Variants in PDE10A observed in about 807,000 individuals in gnomAD.
PDE10A encodes phosphodiesterase 10A.
PDE10A carries 39 observed loss-of-function variants against 97.7 expected under a neutral mutation model. The observed-to-expected ratio is 0.40, with a 90% CI of 0.31 to 0.52. The LOEUF (loss-of-function observed/expected upper bound fraction) is 0.52. PDE10A is among the 20% of genes least tolerant of loss of function. PDE10A has a pLI of 0.56. For synonymous variants in PDE10A, 371 were observed against 376.8 expected, an observed-to-expected ratio of 0.98 and a Z score of 0.18; for missense variants, 731 against 1,047.8, an observed-to-expected ratio of 0.70 and a Z score of 4.17.
intron 1 of PDE10A, among the ~76,000 whole-genome samples, chr6:165,812,554 T>C (rs1212098965): frequency 1.3e-5 from 2 of 152,242 alleles, no homozygotes; most frequent in African/African-American, 4.8e-5. Flanking sequence ...TCAATGGAGC[T>C]ATTTTAAGAA....
At chr6:165,360,031 T>C (rs1278883048) in intron 18 of PDE10A, among the ~76,000 whole-genome samples, 1 of 152,222 alleles carries the variant, frequency 6.6e-6, no homozygotes, top group African/African-American at 2.4e-5. Context: ...TGTGGAAGTT[T>C]GAGTTTACGC....
At chr6:165,495,592 A>T (rs1207455463) in intron 2 of PDE10A, among the ~76,000 whole-genome samples, 1 of 152,224 alleles carries the variant, frequency 6.6e-6, no homozygotes, top group East Asian at 1.9e-4. Flanking sequence ...TTACTTTTAC[A>T]TCATTAAATT....
At position 165,747,143 on chromosome 6, in the gene PDE10A, G is replaced by C. The variant is rs1792861507; in HGVS notation, c.-614-203575C>G. 2.6e-5 allele frequency among the ~76,000 whole-genome samples: 4 copies of C among 152,250 alleles called. No individual in the cohort carries two copies. In the South Asian group the frequency reaches 6.2e-4, roughly 24 times the overall value. ...AAAGAAAAGTCCAAAACTACAACCA[G>C]AGAAAGTGGTTGACACTTTTACATA... On this transcript the variant is annotated intron_variant, in intron 1 of 19. Transcript: ENST00000366882.
intron 1 of PDE10A, among the ~76,000 whole-genome samples, chr6:165,932,504 T>C (rs1000532006): frequency 1.3e-5 from 2 of 152,086 alleles, no homozygotes; most frequent in Admixed American, 6.5e-5. Context: ...CCTAGCTAAT[T>C]TTTGTATTTT....
intron 13 of PDE10A, among the ~76,000 whole-genome samples, chr6:165,406,254 G>A (rs1004635132): frequency 2.0e-5 from 3 of 151,870 alleles, no homozygotes; most frequent in African/African-American, 7.2e-5. Flanking sequence ...GTGTGTGTGT[G>A]TGTGTGTTTC....
chr6:165,600,457 T>C (rs1206294828), intron 1 of PDE10A, among the ~76,000 whole-genome samples: 1 of 152,190 alleles, frequency 6.6e-6, no homozygotes, highest in Non-Finnish European at 1.5e-5. Context: ...AGAAACCAAA[T>C]TGTGTGTGTG....
At chr6:165,652,253 G>T (rs1163385999) in intron 1 of PDE10A, among the ~76,000 whole-genome samples, 3 of 151,898 alleles carry the variant, frequency 2.0e-5, no homozygotes, top group African/African-American at 4.8e-5. Context: ...GCTCTTTTTT[G>T]TTGTTGTTCA....
chr6:165,521,782 C>A (rs920072303), intron 2 of PDE10A, among the ~76,000 whole-genome samples: 2 of 152,138 alleles, frequency 1.3e-5, no homozygotes, highest in African/African-American at 2.4e-5. Context: ...AACATAAAAG[C>A]TCAATGTGAA....
rs77296104 is a variant in PDE10A, at chr6:165,442,916, C to T, written c.1194+6012G>A. Reference sequence around the variant, plus strand: ...CTGAGGTCAGGGGTTTGAGACCAGCCTGGCCAACATGCCAATACCCCATCT... The same window carrying T: ...CTGAGGTCAGGGGTTTGAGACCAGCTTGGCCAACATGCCAATACCCCATCT... On this transcript the variant is annotated intron_variant, in intron 5 of 21. Coordinates refer to ENST00000539869, the MANE Select transcript of PDE10A (RefSeq NM_001385079.1). Among the ~76,000 whole-genome samples, 99 of 152,120 alleles carry T rather than the reference C, an allele frequency of 6.5e-4. No individual in the cohort carries two copies. The East Asian group carries it at 0.017, about 26-fold the overall frequency.
chr6:165,488,824 C>T (rs897615741), intron 2 of PDE10A, among the ~76,000 whole-genome samples: 1 of 152,108 alleles, frequency 6.6e-6, no homozygotes, highest in African/African-American at 2.4e-5. Flanking sequence ...CCCCACTTTT[C>T]TGGTGACCTA....
intron 18 of PDE10A, 23 bp downstream of exon 18, chr6:165,379,171 A>C (rs758410965): frequency 3.9e-6 from 6 of 1,536,744 alleles, no homozygotes; most frequent in Admixed American, 1.8e-5. Context: ...CTGGGCTTCT[A>C]AGCTTTTAAA....
intron 1 of PDE10A, among the ~76,000 whole-genome samples, chr6:165,690,252 C>T (rs1791235902): frequency 6.6e-6 from 1 of 152,316 alleles, no homozygotes; most frequent in Admixed American, 6.5e-5. Context: ...TATTAATTTC[C>T]CCATAAGTTT....
chr6:165,802,594 T>C (rs1430748688), intron 1 of PDE10A, among the ~76,000 whole-genome samples: 1 of 152,168 alleles, frequency 6.6e-6, no homozygotes, highest in Non-Finnish European at 1.5e-5. Context: ...ACGGGGGCCC[T>C]CCTGAAGAAA....
At chr6:165,722,903 T>C (rs9459494) in intron 1 of PDE10A, among the ~76,000 whole-genome samples, 18 of 133,466 alleles carry the variant, frequency 1.3e-4, no homozygotes, top group African/African-American at 2.0e-4. Context: ...CACACACACA[T>C]ATACATATGT....
At chr6:165,360,423 TC>T (rs750954472) in intron 18 of PDE10A, among the ~76,000 whole-genome samples, 3 of 152,194 alleles carry the variant, frequency 2.0e-5, no homozygotes, top group East Asian at 3.9e-4. Flanking sequence ...CAGGAAATTA[TC>T]CTCAACTGGA....
intron 1 of PDE10A, among the ~76,000 whole-genome samples, chr6:165,687,421 G>C (rs1791151850): frequency 6.6e-6 from 1 of 152,218 alleles, no homozygotes; most frequent in South Asian, 2.1e-4. Context: ...TCGCAACATT[G>C]AGAACACCGT....
intron 1 of PDE10A, among the ~76,000 whole-genome samples, chr6:165,601,217 C>G (rs556498291): frequency 1.8e-4 from 27 of 152,296 alleles, no homozygotes; most frequent in African/African-American, 6.5e-4. Context: ...CTTTCACCTC[C>G]TGCCATGATT....
chr6:165,732,662 T>G (rs1289144545), intron 1 of PDE10A, among the ~76,000 whole-genome samples: 1 of 152,226 alleles, frequency 6.6e-6, no homozygotes, highest in East Asian at 1.9e-4. Context: ...TTTGCAAATT[T>G]CCAGATGAGG....
At position 165,981,256 on chromosome 6, in the gene PDE10A, T is replaced by C. The variant is rs117741191; in HGVS notation, c.-615+6273A>G. ...AAAAAGAGAGTATCCTCCCAGTTAG[T>C]GGCTTCTCAAATAATCCAGTTTTTA... On this transcript the variant is annotated intron_variant, in intron 1 of 19. Transcript: ENST00000366882. Among the ~76,000 whole-genome samples the C allele has an allele frequency of 4.1e-3, 626 of 152,324 alleles. 2 individuals carry two copies. Among genetic ancestry groups the C allele is most frequent in the Non-Finnish European group, 7.3e-3 (495 of 68,018 alleles).
Sources: gnomAD v4.1 joint callset for allele counts (sites outside exome capture counted in the v4.1 genomes callset) on GRCh38, gnomAD v4.1.1 for gene constraint, MANE v1.5 for transcripts, NCBI Gene and HGNC (gene_info 2026-07-23, HGNC 2026-07-21) for gene names.